The following RANBP17 variants were observed in gnomAD, a reference collection of about 807,000 sequenced individuals.
The protein encoded by RANBP17 is RAN binding protein 17.
Under a neutral mutation model 141.2 loss-of-function variants are expected in RANBP17, and 158 were observed. The ratio of observed to expected loss-of-function variants is 1.12; its 90% CI spans 0.98 to 1.28. RANBP17 has a LOEUF of 1.28. Ranked by LOEUF, RANBP17 falls within the 50% of genes most tolerant of loss-of-function variation. The probability of loss-of-function intolerance (pLI) is 0.00; values close to 1 mark genes in which losing one functional copy is unlikely to be tolerated. For synonymous variants in RANBP17, 430 were observed against 450.0 expected, an observed-to-expected ratio of 0.96 and a Z score of 0.56; for missense variants, 1,438 against 1,290.7, an observed-to-expected ratio of 1.11 and a Z score of -1.75.
intron 5 of RANBP17, chr5:170,904,300 T>C (rs2127409008): frequency 7.9e-6 from 2 of 254,022 alleles, no homozygotes; most frequent in Non-Finnish European, 1.6e-5. Context: ...AGAAAAAAGC[T>C]CACCTTCATC....
At chr5:171,104,919 A>T (rs1057059668) in intron 14 of RANBP17, among the ~76,000 whole-genome samples, 7 of 152,182 alleles carry the variant, frequency 4.6e-5, no homozygotes, top group African/African-American at 1.7e-4. Flanking sequence ...TAATTTTTCC[A>T]TTGGTCCCCT....
chr5:171,031,204 A>G (rs772719108), intron 14 of RANBP17, among the ~76,000 whole-genome samples: 1 of 152,110 alleles, frequency 6.6e-6, no homozygotes, highest in Middle Eastern at 3.4e-3. Flanking sequence ...CTGTGATAGC[A>G]TTTTCATTCT....
At position 171,021,080 on chromosome 5, in the gene RANBP17, G is replaced by T. The variant is rs966550781; in HGVS notation, c.1710+52703G>T. Among the ~76,000 whole-genome samples, 8 of 151,890 alleles carry T rather than the reference G, an allele frequency of 5.3e-5. No individual in the cohort carries two copies. The East Asian group carries it at 5.8e-4, about 11-fold the overall frequency. On this transcript the variant is annotated intron_variant, in intron 14 of 27. Coordinates refer to ENST00000523189, the MANE Select transcript of RANBP17 (RefSeq NM_022897.5). The stretch of plus-strand genomic sequence containing the variant: ...ATTCTGGGTTGAAAATTCTTTTCTT[G>T]AAGAATGTTGAATATTGGCCCCCAC...
rs988015424 is a variant in RANBP17 at position 171,206,089 on chromosome 5, T to C, written c.2231+477T>C. ...AGGGAAAAATAAATAAGTCAAGGTT[T>C]GTCATTTGGTGTAAAATTTGAATTG... is the stretch of plus-strand genomic sequence containing the variant. On this transcript the variant is annotated intron_variant, in intron 20 of 27. Coordinates refer to ENST00000523189, the MANE Select transcript of RANBP17 (RefSeq NM_022897.5). 3.6e-5 allele frequency: 10 copies of C among 274,926 alleles called. No homozygotes were observed. The South Asian group carries it at 3.9e-4, about 11-fold the overall frequency. The allele number at this position is 274,926 out of a possible 1,614,324, so 17.0% of individuals were successfully genotyped here. A position where few individuals can be genotyped will look rare whatever the true frequency, so the allele number is the denominator to read the frequency against.
At chr5:171,109,891 CATG>C (rs773091031) in intron 14 of RANBP17, among the ~76,000 whole-genome samples, 3 of 152,036 alleles carry the variant, frequency 2.0e-5, no homozygotes, top group Admixed American at 6.6e-5. Flanking sequence ...TAGGTATTAA[CATG>C]ATGATAGGAT....
intron 12 of RANBP17, among the ~76,000 whole-genome samples, chr5:170,938,326 C>T (rs977003128): frequency 1.3e-5 from 2 of 152,146 alleles, no homozygotes; most frequent in African/African-American, 4.8e-5. Context: ...GGAATGAAAA[C>T]CTCTTCCAAA....
Position 171,299,271 on chromosome 5 carries a change from T to C in RANBP17, c.*413T>C. On this transcript the variant is annotated 3_prime_UTR_variant, in exon 28 of 28. Transcript: ENST00000523189. ...GATCCTGGATTGAGACGAATGCCAT[T>C]GGAACCTGTTAAATGAGTAGTTTGT... 1 of 242,232 alleles carries C rather than the reference T, an allele frequency of 4.1e-6. No individual in the cohort carries two copies. The highest frequency in any genetic ancestry group is 8.1e-6 in the Non-Finnish European group (1 of 123,166). 15.0% of individuals were successfully genotyped at this position (242,232 alleles called of 1,614,324 possible).
chr5:171,232,037 A>G (rs1764236071), intron 22 of RANBP17, among the ~76,000 whole-genome samples: 1 of 152,202 alleles, frequency 6.6e-6, no homozygotes, highest in South Asian at 2.1e-4. Flanking sequence ...TGGGAAATAC[A>G]AATAATACCA....
At chr5:171,074,926 T>A (rs1784826668) in intron 14 of RANBP17, among the ~76,000 whole-genome samples, 1 of 152,194 alleles carries the variant, frequency 6.6e-6, no homozygotes, top group Admixed American at 6.5e-5. Context: ...TGCTGGGAGC[T>A]TTTGCACATG....
chr5:170,933,990 A>T (rs916487622), intron 12 of RANBP17, among the ~76,000 whole-genome samples: 1 of 151,928 alleles, frequency 6.6e-6, no homozygotes, highest in East Asian at 1.9e-4. Flanking sequence ...TGTCTCGTTG[A>T]TCTGTGTAAT....
At chr5:171,105,846 G>C (rs1389826243) in intron 14 of RANBP17, among the ~76,000 whole-genome samples, 1 of 152,144 alleles carries the variant, frequency 6.6e-6, no homozygotes, top group Non-Finnish European at 1.5e-5. Flanking sequence ...CCATTCTGAG[G>C]TTGTGGGGAT....
chr5:170,882,051 A>T (rs1352350156), intron 3 of RANBP17, among the ~76,000 whole-genome samples, 155 bp downstream of exon 3: 1 of 152,170 alleles, frequency 6.6e-6, no homozygotes, highest in Non-Finnish European at 1.5e-5. Flanking sequence ...ATGAACAGTG[A>T]TGTGTTACAT....
rs70982314 is a variant in RANBP17 at position 170,954,545 on chromosome 5, C to CACACA, written c.1574+843_1574+844insACACA. 3.1e-4 allele frequency among the ~76,000 whole-genome samples: 43 copies of CACACA among 138,706 alleles called. 1 individual carries two copies. In the South Asian group the frequency reaches 9.4e-3, roughly 30 times the overall value. The allele number at this position is 138,706 out of a possible 152,430, so 91.0% of individuals were successfully genotyped here. On this transcript the variant is annotated intron_variant, in intron 13 of 27. Coordinates refer to ENST00000523189, the MANE Select transcript of RANBP17 (RefSeq NM_022897.5). The stretch of plus-strand genomic sequence containing the variant: ...ACACACACACACACACACACACACA[C>CACACA]CCCAACCCCACCCACCCACCTCAAC...
chr5:171,109,706 G>T (rs1420974266), intron 14 of RANBP17, among the ~76,000 whole-genome samples: 4 of 152,098 alleles, frequency 2.6e-5, no homozygotes, highest in Non-Finnish European at 5.9e-5. Context: ...ATGACAAAGA[G>T]AAAGTCCATA....
At chr5:171,011,621 T>C (rs1037220991) in intron 14 of RANBP17, among the ~76,000 whole-genome samples, 3 of 152,072 alleles carry the variant, frequency 2.0e-5, no homozygotes, top group African/African-American at 4.8e-5. Context: ...TGCATACATA[T>C]GATATATAAC....
At chr5:171,083,612 A>G (rs1785401865) in intron 14 of RANBP17, among the ~76,000 whole-genome samples, 1 of 152,202 alleles carries the variant, frequency 6.6e-6, no homozygotes, top group African/African-American at 2.4e-5. Context: ...AAAATACATT[A>G]TTAATGTAAT....
chr5:171,161,685 G>T (rs1341016490), intron 14 of RANBP17, among the ~76,000 whole-genome samples: 3 of 152,132 alleles, frequency 2.0e-5, no homozygotes, highest in Non-Finnish European at 2.9e-5. Flanking sequence ...TAGCTGCAAA[G>T]CCTATATTTA....
intron 20 of RANBP17, chr5:171,205,871 T>G (rs974635095): frequency 3.7e-6 from 2 of 539,382 alleles, no homozygotes; most frequent in African/African-American, 3.8e-5. Context: ...AAATGATTGT[T>G]TATGTTGGAG....
intron 14 of RANBP17, among the ~76,000 whole-genome samples, chr5:170,975,718 T>C (rs764636483): frequency 6.6e-6 from 1 of 152,192 alleles, no homozygotes; most frequent in Non-Finnish European, 1.5e-5. Flanking sequence ...ACCATCACAT[T>C]GGAAATTAGA....
Sources: allele counts gnomAD v4.1 joint callset (sites outside exome capture counted in the v4.1 genomes callset), GRCh38; gene constraint gnomAD v4.1.1; transcripts MANE v1.5; gene names NCBI Gene and HGNC (gene_info 2026-07-23, HGNC 2026-07-21).